Variants in GRIK3 observed in about 807,000 individuals in gnomAD.
GRIK3 encodes the protein glutamate ionotropic receptor kainate type subunit 3, also known as glutamate receptor ionotropic, kainate 3.
Under a neutral mutation model 102.5 loss-of-function variants are expected in GRIK3, and 29 were observed. The ratio of observed to expected loss-of-function variants is 0.28; its 90% CI spans 0.21 to 0.39. GRIK3 has a LOEUF of 0.39. Among genes scored for constraint, GRIK3 ranks in the 10% least tolerant of loss-of-function variants. The pLI is 1.00. For missense variants in GRIK3, 908 were observed against 1,252.4 expected, an observed-to-expected ratio of 0.73 and a Z score of 4.15; for synonymous variants, 511 against 504.9, an observed-to-expected ratio of 1.01 and a Z score of -0.16.
intron 11 of GRIK3, among the ~76,000 whole-genome samples, chr1:36,822,436 C>G (rs972532740): frequency 2.8e-4 from 42 of 152,306 alleles, no homozygotes; most frequent in African/African-American, 1.0e-3. Flanking sequence ...GTCAGTGGGA[C>G]AGAGCGTCCA....
chr1:36,910,702 G>C (rs910640946), intron 1 of GRIK3, among the ~76,000 whole-genome samples: 1 of 152,244 alleles, frequency 6.6e-6, no homozygotes, highest in Non-Finnish European at 1.5e-5. Context: ...AAAGGGAGAC[G>C]AGGGATGTGT....
intron 1 of GRIK3, among the ~76,000 whole-genome samples, chr1:36,964,504 T>C (rs1642059619): frequency 6.6e-6 from 1 of 152,216 alleles, no homozygotes; most frequent in Non-Finnish European, 1.5e-5. Context: ...GCCCTTCTGA[T>C]AAAATCAGCA....
chr1:36,886,091 C>T (rs1641033985), intron 2 of GRIK3, among the ~76,000 whole-genome samples: 1 of 152,222 alleles, frequency 6.6e-6, no homozygotes, highest in South Asian at 2.1e-4. Flanking sequence ...CTCTGCGCTG[C>T]TGCTGCCTCT....
chr1:37,010,904 G>A (rs1642589441), intron 1 of GRIK3, among the ~76,000 whole-genome samples: 1 of 151,928 alleles, frequency 6.6e-6, no homozygotes, highest in Non-Finnish European at 1.5e-5. Flanking sequence ...ACCGCGCCCG[G>A]CTAATTTTTT....
intron 9 of GRIK3, among the ~76,000 whole-genome samples, chr1:36,845,459 A>G (rs1441969194): frequency 6.6e-6 from 1 of 152,188 alleles, no homozygotes; most frequent in African/African-American, 2.4e-5. Flanking sequence ...CCAGCGTGCA[A>G]GCCAGGCCTA....
At chr1:36,894,125 C>T (rs894533945) in intron 1 of GRIK3, among the ~76,000 whole-genome samples, 3 of 152,150 alleles carry the variant, frequency 2.0e-5, no homozygotes, top group Non-Finnish European at 2.9e-5. Flanking sequence ...TGTTTTAGAA[C>T]CTTCCCATCA....
chr1:37,002,978 A>T (rs1449081906), intron 1 of GRIK3, among the ~76,000 whole-genome samples: 1 of 150,976 alleles, frequency 6.6e-6, no homozygotes, highest in African/African-American at 2.4e-5. Context: ...AAAGCTCCAG[A>T]TAAGAAAACA....
chr1:36,919,375 T>TTTTATTTTATTTTATTTA (rs1557426743), intron 1 of GRIK3, among the ~76,000 whole-genome samples: 1 of 149,388 alleles, frequency 6.7e-6, no homozygotes, highest in East Asian at 2.0e-4. Context: ...TTTTATTTTA[T>TTTTATTTTATTTTATTTA]TTATTATTAT....
chr1:36,837,653 A>G (rs545724553), intron 10 of GRIK3, among the ~76,000 whole-genome samples: 3 of 152,068 alleles, frequency 2.0e-5, no homozygotes, highest in African/African-American at 7.2e-5. Context: ...CTCGGGATTA[A>G]AGTCCAGTTC....
At chr1:36,856,564 C>T (rs1230313908) in intron 7 of GRIK3, among the ~76,000 whole-genome samples, 1 of 152,194 alleles carries the variant, frequency 6.6e-6, no homozygotes, top group African/African-American at 2.4e-5. Context: ...GAGGACTGTG[C>T]TGGGGTCGGG....
chr1:36,801,646 A>C lies in GRIK3; in HGVS notation c.*205T>G, dbSNP rs1274320277. ...TCGGCTGGCAGCTTTAGAAACCCAC[A>C]GAAGATCTGAGGAGGATGAAGCCCA... On this transcript the variant is annotated 3_prime_UTR_variant, in exon 16 of 16. Transcript: ENST00000373091. 5 of 451,254 alleles carry C rather than the reference A, an allele frequency of 1.1e-5. No individual in the cohort carries two copies. Among genetic ancestry groups the C allele is most frequent in the Non-Finnish European group, 1.9e-5 (5 of 258,124 alleles). 28.0% of individuals were successfully genotyped at this position (451,254 alleles called of 1,614,324 possible).
At chr1:36,972,558 A>C (rs1215081168) in intron 1 of GRIK3, among the ~76,000 whole-genome samples, 1 of 151,926 alleles carries the variant, frequency 6.6e-6, no homozygotes, top group Non-Finnish European at 1.5e-5. Context: ...TCCCGTTGCC[A>C]CTCTTATTCC....
At chr1:36,920,303 C>A (rs1641452512) in intron 1 of GRIK3, among the ~76,000 whole-genome samples, 1 of 152,298 alleles carries the variant, frequency 6.6e-6, no homozygotes, top group Non-Finnish European at 1.5e-5. Context: ...GTTTTTCCAT[C>A]TGTGAAATGG....
intron 1 of GRIK3, among the ~76,000 whole-genome samples, chr1:36,929,961 G>A (rs563643552): frequency 2.6e-5 from 4 of 152,318 alleles, no homozygotes; most frequent in South Asian, 4.1e-4. Context: ...GCACAGTGGC[G>A]CTCGCTGCTG....
intron 11 of GRIK3, among the ~76,000 whole-genome samples, chr1:36,821,997 A>G (rs979370083): frequency 1.3e-5 from 2 of 151,948 alleles, no homozygotes; most frequent in African/African-American, 4.8e-5. Context: ...AATGTTACCA[A>G]CCTCTTTTCA....
chr1:36,845,417 C>T (rs1277445078), intron 9 of GRIK3, among the ~76,000 whole-genome samples: 2 of 152,170 alleles, frequency 1.3e-5, no homozygotes, highest in East Asian at 3.9e-4. Context: ...GTTGTCAGGG[C>T]TCTTGGTCCG....
intron 1 of GRIK3, among the ~76,000 whole-genome samples, chr1:37,023,176 A>T (rs1474804054): frequency 6.6e-6 from 1 of 152,050 alleles, no homozygotes; most frequent in Non-Finnish European, 1.5e-5. Context: ...AAAATACACA[A>T]ATGAGCCAGG....
chr1:36,919,138 T>C (rs1641439657), intron 1 of GRIK3, among the ~76,000 whole-genome samples: 1 of 151,792 alleles, frequency 6.6e-6, no homozygotes, highest in African/African-American at 2.4e-5. Context: ...AGTGCTGGGG[T>C]AGAAAAATGG....
chr1:36,881,286 T>C (rs1048808637), intron 2 of GRIK3, among the ~76,000 whole-genome samples: 3 of 152,132 alleles, frequency 2.0e-5, no homozygotes, highest in African/African-American at 7.2e-5. Flanking sequence ...TGATGGTGCT[T>C]CAACTTCAAC....
Sources: gnomAD v4.1 joint callset for allele counts (sites outside exome capture counted in the v4.1 genomes callset) on GRCh38, gnomAD v4.1.1 for gene constraint, MANE v1.5 for transcripts, NCBI Gene and HGNC (gene_info 2026-07-23, HGNC 2026-07-21) for gene names.